The following DNAJC21 variants were observed in gnomAD, a reference collection of about 807,000 sequenced individuals.
The protein encoded by DNAJC21 is DnaJ heat shock protein family (Hsp40) member C21, also known as dnaJ homolog subfamily C member 21.
A neutral mutation model predicts 72.4 loss-of-function variants in DNAJC21; 63 were observed. The observed-to-expected ratio is 0.87, with a 90% CI of 0.71 to 1.07. The LOEUF (loss-of-function observed/expected upper bound fraction) is 1.07. Ranked by LOEUF, DNAJC21 falls within the 50% of genes least tolerant of loss-of-function variation. The probability of loss-of-function intolerance (pLI) is 0.00; values close to 1 mark genes in which losing one functional copy is unlikely to be tolerated. For missense variants in DNAJC21, 634 were observed against 644.8 expected, an observed-to-expected ratio of 0.98 and a Z score of 0.18; for synonymous variants, 203 against 216.7, an observed-to-expected ratio of 0.94 and a Z score of 0.56.
chr5:34,945,719 C>A, intron 8 of DNAJC21, 42 bp from the exon 9 acceptor site: 1 of 1,508,206 alleles, frequency 6.6e-7, no homozygotes, highest in Non-Finnish European at 8.8e-7. Flanking sequence ...TTACTCTTCA[C>A]AGAGTCAAGT....
chr5:34,945,278 A>G (rs1765136746), intron 8 of DNAJC21, among the ~76,000 whole-genome samples: 1 of 152,062 alleles, frequency 6.6e-6, no homozygotes, highest in Non-Finnish European at 1.5e-5. Context: ...GAGTTTCACC[A>G]TGTTGGCTAG....
intron 1 of DNAJC21, chr5:34,930,417 A>G (rs371037358): frequency 9.2e-5 from 14 of 151,558 alleles, no homozygotes; most frequent in African/African-American, 3.4e-4. Flanking sequence ...CTAGTAAAAT[A>G]TCTTTTCAAT....
In DNAJC21 at chr5:34,933,824, T is replaced by G; in HGVS notation, c.107T>G (p.Leu36Arg). ...TCTGTGACTTTAACAGATAAAAATC[T>G]GGATAATGCCGCAGAAGCAGCTGAA... ...LALKWHPDKN[L>R]DNAAEAAEQF... The change falls in exon 2 of 12, where the codon CTG (leucine) becomes CGG (arginine). Residue 36 changes from leucine to arginine, a missense_variant. Leu to Arg is a moderately radical substitution (Grantham distance 102, BLOSUM62 -2). Transcript: ENST00000648817. 5.0e-6 allele frequency: 8 copies of G among 1,613,566 alleles called. No individual in the cohort carries two copies. The highest frequency in any genetic ancestry group is 6.8e-6 in the Non-Finnish European group (8 of 1,179,764).
intron 10 of DNAJC21, chr5:34,952,393 A>G (rs1765402345): frequency 2.7e-6 from 1 of 372,650 alleles, no homozygotes. Flanking sequence ...CCTAATCTGC[A>G]TTTTTTAAAT....
At chr5:34,954,469 A>G in intron 11 of DNAJC21, 84 bp from the exon 12 acceptor site, 2 of 1,428,926 alleles carry the variant, frequency 1.4e-6, no homozygotes, top group Non-Finnish European at 1.9e-6. Flanking sequence ...CAATTGTTTG[A>G]TGCTTAATCT....
rs538418796 is a variant in DNAJC21 at position 34,938,392 on chromosome 5, G to A, written c.744-466G>A. On this transcript the variant is annotated intron_variant, in intron 5 of 11. Transcript: ENST00000648817. ...TCCAGACTTTCCTGCTTTAGCCACC[G>A]TGCAGTACTGCCTTTTGGTCAGTGT... 7.9e-5 allele frequency among the ~76,000 whole-genome samples: 12 copies of A among 152,234 alleles called. No individual in the cohort carries two copies. In the South Asian group the frequency reaches 2.5e-3, roughly 32 times the overall value.
rs972824312 is a variant in DNAJC21, at chr5:34,938,734, A to G, written c.744-124A>G. ...TGGTTTTAACTAAGCACAGGTTTTAAGTTTGTAAGCGTGGATAGGTTGGGA... is the reference window on the plus strand; with the variant it reads ...TGGTTTTAACTAAGCACAGGTTTTAGGTTTGTAAGCGTGGATAGGTTGGGA... On this transcript the variant is annotated intron_variant, in intron 5 of 11. Transcript: ENST00000648817. 7 of 1,069,736 alleles carry G rather than the reference A, an allele frequency of 6.5e-6. No homozygotes were observed. The Admixed American group carries it at 1.5e-4, about 23-fold the overall frequency. 66.3% of individuals were successfully genotyped at this position (1,069,736 alleles called of 1,614,324 possible). A position where few individuals can be genotyped will look rare whatever the true frequency, so the allele number is the denominator to read the frequency against.
rs781193531 is a variant in DNAJC21, at chr5:34,954,639, A to AAGAT, written c.1524_1525insTAGA (p.Ala509Ter). On this transcript the variant is annotated frameshift_variant, in exon 12 of 12. Coordinates refer to ENST00000648817, the MANE Select transcript of DNAJC21 (RefSeq NM_001012339.3). LOFTEE classifies it high-confidence loss of function. ...ACCATCTAAAGGCCACAGGTCATGC[A>AAGAT]AGAGCACCTTCATCATCGTCTTTAA... 6 of 1,613,820 alleles carry AAGAT rather than the reference A, an allele frequency of 3.7e-6. No homozygotes were observed. The highest frequency in any genetic ancestry group is 1.7e-4 in the Middle Eastern group (1 of 6,060).
chr5:34,935,658 T>C, intron 2 of DNAJC21, 52 bp from the exon 3 acceptor site: 1 of 1,606,892 alleles, frequency 6.2e-7, no homozygotes, highest in Non-Finnish European at 8.5e-7. Context: ...AGAAATCCTT[T>C]TGAATTCTTA....
Position 34,933,852 on chromosome 5 carries a change from A to G in DNAJC21, c.135A>G (p.Gln45=), listed in dbSNP as rs766499754. 4 of 1,613,986 alleles carry G rather than the reference A, an allele frequency of 2.5e-6. No homozygotes were observed. Among genetic ancestry groups the G allele is most frequent in the South Asian group, 1.1e-5 (1 of 91,066 alleles). Residue 45 remains glutamine, a synonymous_variant, in exon 2 of 12, where the codon CAA becomes CAG. Transcript: ENST00000648817. The part of the protein sequence containing the change: ...NLDNAAEAAE[Q]FKLIQAAYDV... ...ATAATGCCGCAGAAGCAGCTGAACA[A>G]TTTAAATTAATCCAAGCAGCATATG...
Position 34,954,828 on chromosome 5 carries a change from A to G in DNAJC21, c.*114A>G. On this transcript the variant is annotated 3_prime_UTR_variant, in exon 12 of 12. Transcript: ENST00000648817. Reference sequence around the variant, plus strand: ...GATCTGCAATTAATTACATTGTGGAAGATTATTTTTTATCTTGTAAAAACA... The same window carrying G: ...GATCTGCAATTAATTACATTGTGGAGGATTATTTTTTATCTTGTAAAAACA... The G allele has an allele frequency of 8.4e-7, 1 of 1,186,890 alleles. No individual in the cohort carries two copies. The highest frequency in any genetic ancestry group is 1.1e-6 in the Non-Finnish European group (1 of 894,144). The allele number at this position is 1,186,890 out of a possible 1,614,324, so 73.5% of individuals were successfully genotyped here.
chr5:34,943,149 A>G (rs1432823688), intron 7 of DNAJC21, among the ~76,000 whole-genome samples: 1 of 152,224 alleles, frequency 6.6e-6, no homozygotes, highest in Non-Finnish European at 1.5e-5. Context: ...TAACATTGAT[A>G]TGGTATTTTT....
rs557189119 is a variant in DNAJC21, at chr5:34,935,621, G to A, written c.192-89G>A. 2.0e-4 allele frequency: 304 copies of A among 1,553,746 alleles called. No homozygotes were observed. In the African/African-American group the frequency reaches 3.9e-3, roughly 20 times the overall value. ...ATTGGACATATCAACAACCAAAAAT[G>A]TACAATAATAATATTCAAAAGGAGC... On this transcript the variant is annotated intron_variant, in intron 2 of 11. Transcript: ENST00000648817.
intron 5 of DNAJC21, among the ~76,000 whole-genome samples, chr5:34,938,143 C>T (rs1342513230): frequency 2.0e-5 from 3 of 152,180 alleles, no homozygotes; most frequent in African/African-American, 7.2e-5. Context: ...AGACCCTTTA[C>T]ATTTGAGAGA....
At position 34,956,025 on chromosome 5, in the gene DNAJC21, C is replaced by T. The variant is rs1412475270; in HGVS notation, c.*1311C>T. ...CCGAGATCCCGCCACTGCACTCCAG[C>T]CTGGGCGACAGAGCGAGACTCCGTC... On this transcript the variant is annotated 3_prime_UTR_variant, in exon 12 of 12. Coordinates refer to ENST00000648817, the MANE Select transcript of DNAJC21 (RefSeq NM_001012339.3). 7.2e-6 allele frequency: 1 copy of T among 139,700 alleles called. No homozygotes were observed. The highest frequency in any genetic ancestry group is 2.7e-5 in the African/African-American group (1 of 36,918). The allele number at this position is 139,700 out of a possible 1,614,324, so 8.7% of individuals were successfully genotyped here.
At position 34,933,612 on chromosome 5, in the gene DNAJC21, G is replaced by A. The variant is rs1580522782; in HGVS notation, c.98-203G>A. On this transcript the variant is annotated intron_variant, in intron 1 of 11. Transcript: ENST00000648817. ...TGTTTAGTGATGTACCAAGGCTTAG[G>A]GAAAAGCCTGAAATTTCTGCTTAGA... Among the ~76,000 whole-genome samples the A allele has an allele frequency of 3.3e-5, 5 of 152,148 alleles. 1 individual carries two copies. Among genetic ancestry groups the A allele is most frequent in the South Asian group, 2.1e-4 (1 of 4,826 alleles).
intron 10 of DNAJC21, chr5:34,951,400 C>G: frequency 1.0e-6 from 1 of 985,454 alleles, no homozygotes; most frequent in African/African-American, 1.7e-5. Flanking sequence ...CTTGAAGGCA[C>G]CCAGATCATC....
intron 2 of DNAJC21, among the ~76,000 whole-genome samples, 169 bp from the exon 3 acceptor site, chr5:34,935,541 G>C (rs1764738478): frequency 6.6e-6 from 1 of 152,122 alleles, no homozygotes; most frequent in East Asian, 1.9e-4. Flanking sequence ...ACAGTTCTGT[G>C]AAAGATTATG....
chr5:34,954,063 C>A, intron 11 of DNAJC21, 62 bp downstream of exon 11: 1 of 1,443,470 alleles, frequency 6.9e-7, no homozygotes, highest in Non-Finnish European at 9.4e-7. Flanking sequence ...GTATAATGAT[C>A]TAAAGATGGA....
Sources: allele counts gnomAD v4.1 joint callset (sites outside exome capture counted in the v4.1 genomes callset), GRCh38; gene constraint gnomAD v4.1.1; transcripts MANE v1.5; gene names NCBI Gene and HGNC (gene_info 2026-07-23, HGNC 2026-07-21).